The following DNAH9 variants were observed in gnomAD, a reference collection of about 807,000 sequenced individuals.
The protein encoded by DNAH9 is DNAH9 variant protein.
A neutral mutation model predicts 471.6 loss-of-function variants in DNAH9; 345 were observed. That is an observed-to-expected ratio of 0.73 (90% CI 0.67 to 0.80). The LOEUF (loss-of-function observed/expected upper bound fraction) is 0.80, where lower values mean the gene tolerates loss of function less well. Ranked by LOEUF, DNAH9 falls within the 30% of genes least tolerant of loss-of-function variation. The probability of loss-of-function intolerance (pLI) is 0.00; values close to 1 mark genes in which losing one functional copy is unlikely to be tolerated. For missense variants in DNAH9, 5,407 were observed against 5,609.2 expected, an observed-to-expected ratio of 0.96 and a Z score of 1.15; for synonymous variants, 2,093 against 2,123.6, an observed-to-expected ratio of 0.99 and a Z score of 0.40.
intron 31 of DNAH9, among the ~76,000 whole-genome samples, chr17:11,745,664 T>G (rs940968699): frequency 6.6e-6 from 1 of 152,222 alleles, no homozygotes; most frequent in Middle Eastern, 3.2e-3. Flanking sequence ...ATAATTAGCG[T>G]CTTTGAAGGA....
intron 9 of DNAH9, among the ~76,000 whole-genome samples, chr17:11,638,952 A>C (rs186037408): frequency 2.1e-4 from 32 of 152,172 alleles, no homozygotes; most frequent in Middle Eastern, 3.4e-3. Context: ...CCATGTAGCC[A>C]CCTCCATCTT....
intron 67 of DNAH9, among the ~76,000 whole-genome samples, chr17:11,948,070 C>G (rs1330604548): frequency 3.3e-5 from 5 of 150,944 alleles, no homozygotes; most frequent in Non-Finnish European, 7.4e-5. Flanking sequence ...TGGCCAGGAA[C>G]TGATTTTTAT....
intron 1 of DNAH9, among the ~76,000 whole-genome samples, chr17:11,603,313 T>A (rs1447695478): frequency 6.6e-6 from 1 of 152,148 alleles, no homozygotes; most frequent in African/African-American, 2.4e-5. Flanking sequence ...AAAAGAAAAA[T>A]CTTTCTTCTT....
rs888868261 is a variant in DNAH9 at position 11,892,097 on chromosome 17, A to T, written c.11283+150A>T. The T allele has an allele frequency of 2.2e-6, 2 of 906,948 alleles. No individual in the cohort carries two copies. Among genetic ancestry groups the T allele is most frequent in the Non-Finnish European group, 1.7e-6 (1 of 595,224 alleles). The allele number at this position is 906,948 out of a possible 1,614,324, so 56.2% of individuals were successfully genotyped here. On this transcript the variant is annotated intron_variant, in intron 58 of 68. Transcript: ENST00000262442. The surrounding 1 kb of genome is among the most constrained non-coding windows in gnomAD (Gnocchi z 4.3). Reference sequence around the variant, plus strand: ...TAGAGGCATCAGACAAGAAGGTCCAATGTGGTGTGTGCATCTGCCCCCACC... The same window carrying T: ...TAGAGGCATCAGACAAGAAGGTCCATTGTGGTGTGTGCATCTGCCCCCACC...
intron 28 of DNAH9, among the ~76,000 whole-genome samples, chr17:11,736,369 G>A (rs1368913045): frequency 6.6e-6 from 1 of 152,206 alleles, no homozygotes; most frequent in Non-Finnish European, 1.5e-5. Context: ...TGGGTGAGAT[G>A]TGCCTGGCAG....
At chr17:11,964,576 C>T (rs1976531150) in intron 68 of DNAH9, among the ~76,000 whole-genome samples, 1 of 152,142 alleles carries the variant, frequency 6.6e-6, no homozygotes, top group South Asian at 2.1e-4. Flanking sequence ...ACAATGAGAA[C>T]ATTCACAAAA....
chr17:11,869,167 A>G lies in DNAH9; in HGVS notation c.9967A>G (p.Arg3323Gly), dbSNP rs1339277189. The G allele has an allele frequency of 1.2e-6, 2 of 1,613,700 alleles. No individual in the cohort carries two copies. Among genetic ancestry groups the G allele is most frequent in the Non-Finnish European group, 1.7e-6 (2 of 1,179,812 alleles). ...TGAAAACCTGGCAAAGCTCACAGCC[A>G]GGTTTGAGAAAGCAACAGCAGACAA... ...LNENLAKLTA[R>G]FEKATADKLK... is the part of the protein sequence containing the mutation. The change falls in exon 51 of 69, where the codon AGG (arginine) becomes GGG (glycine). Residue 3323 changes from arginine to glycine, a missense_variant. By Grantham distance (125) the Arg-to-Gly change is moderately radical. This residue lies in a region of DNAH9 where 4,636 missense variants were observed against 4,900.3 expected (regional missense o/e 0.95). Transcript: ENST00000262442.
intron 45 of DNAH9, among the ~76,000 whole-genome samples, chr17:11,810,904 CAGAG>C (rs1969874357): frequency 6.6e-6 from 1 of 152,184 alleles, no homozygotes; most frequent in African/African-American, 2.4e-5. Context: ...AAAAACTTGA[CAGAG>C]AGTGTGAAGT....
intron 50 of DNAH9, among the ~76,000 whole-genome samples, chr17:11,859,895 C>T (rs1351377551): frequency 3.9e-5 from 6 of 152,194 alleles, no homozygotes; most frequent in African/African-American, 1.2e-4. Context: ...CACTGGGAAT[C>T]GCATTTCAAC....
intron 6 of DNAH9, among the ~76,000 whole-genome samples, chr17:11,620,609 T>C (rs1032312008): frequency 6.6e-6 from 1 of 152,112 alleles, no homozygotes; most frequent in Non-Finnish European, 1.5e-5. Context: ...TAGGAAATCC[T>C]GATCATAGAC....
chr17:11,799,059 C>G (rs981125473), intron 43 of DNAH9, among the ~76,000 whole-genome samples: 1 of 152,106 alleles, frequency 6.6e-6, no homozygotes, highest in Non-Finnish European at 1.5e-5. Flanking sequence ...ACCCATGTCT[C>G]GACTCACTCT....
At position 11,930,047 on chromosome 17, in the gene DNAH9, C is replaced by A; in HGVS notation, c.12059C>A (p.Thr4020Lys). ...ATTAAGATCACCAATGAGCCCCCCACGGGCATGCATGCCAACCTGCACAAG... is the reference window on the plus strand; with the variant it reads ...ATTAAGATCACCAATGAGCCCCCCAAGGGCATGCATGCCAACCTGCACAAG... ...NSIKITNEPPTGMHANLHKAL... is the reference protein window; with the variant it reads ...NSIKITNEPPKGMHANLHKAL... The change falls in exon 63 of 69, where the codon ACG becomes AAG. Residue 4020 changes from threonine (T) to lysine (K), a missense_variant. Transcript: ENST00000262442. 1 of 1,614,138 alleles carries A rather than the reference C, an allele frequency of 6.2e-7. No homozygotes were observed. The highest frequency in any genetic ancestry group is 8.5e-7 in the Non-Finnish European group (1 of 1,180,008).
Position 11,932,685 on chromosome 17 carries a change from G to A in DNAH9, c.12297+480G>A, listed in dbSNP as rs988626139. Reference sequence around the variant, plus strand: ...GTGCCAACCCCAGGACTAACCCAAAGGCTGAGAATAGTACAACTGTGAGGT... The same window carrying A: ...GTGCCAACCCCAGGACTAACCCAAAAGCTGAGAATAGTACAACTGTGAGGT... On this transcript the variant is annotated intron_variant, in intron 64 of 68. Coordinates refer to ENST00000262442, the MANE Select transcript of DNAH9 (RefSeq NM_001372.4). This position sits in a 1 kb window ranked among gnomAD's most constrained non-coding sequence, Gnocchi z 4.3. Among the ~76,000 whole-genome samples, 1 of 152,174 alleles carries A rather than the reference G, an allele frequency of 6.6e-6. No homozygotes were observed. The highest frequency in any genetic ancestry group is 1.5e-5 in the Non-Finnish European group (1 of 68,026).
intron 26 of DNAH9, among the ~76,000 whole-genome samples, chr17:11,708,014 CAGAGAGAGAG>C (rs34314090): frequency 2.7e-4 from 14 of 52,206 alleles, no homozygotes; most frequent in South Asian, 9.1e-4. Context: ...CACACACACA[CAGAGAGAGAG>C]AGAGAGAGAG....
rs758420778 is a variant in DNAH9, at chr17:11,693,914, C to T, written c.4661C>T (p.Ala1554Val). The part of the protein sequence containing the change: ...EGIDIDFKEL[A>V]YDAQKIPNVV... Reference sequence around the variant, plus strand: ...ATCGACATTGACTTTAAAGAGCTAGCTTATGATGCCCAGAAAATTCCAAAT... The same window carrying T: ...ATCGACATTGACTTTAAAGAGCTAGTTTATGATGCCCAGAAAATTCCAAAT... The change falls in exon 21 of 69, where the codon GCT (alanine) becomes GTT (valine). Residue 1554 changes from alanine (A) to valine (V), a missense_variant. Ala to Val is a moderately conservative substitution (Grantham distance 64, BLOSUM62 0). Coordinates refer to ENST00000262442, the MANE Select transcript of DNAH9 (RefSeq NM_001372.4). 3.7e-6 allele frequency: 6 copies of T among 1,614,036 alleles called. No homozygotes were observed. The highest frequency in any genetic ancestry group is 1.7e-4 in the Middle Eastern group (1 of 6,060).
chr17:11,870,540 C>G (rs910113514), intron 51 of DNAH9, among the ~76,000 whole-genome samples: 2 of 152,158 alleles, frequency 1.3e-5, no homozygotes, highest in East Asian at 3.9e-4. Flanking sequence ...CTGCCATACC[C>G]AAATGTGTGT....
At chr17:11,859,084 C>CAAAAAA (rs56040033) in intron 50 of DNAH9, among the ~76,000 whole-genome samples, 1 of 64,372 alleles carries the variant, frequency 1.6e-5, no homozygotes, top group African/African-American at 6.4e-5. Flanking sequence ...AACCCCGTCT[C>CAAAAAA]AAAAAAAAAA....
intron 8 of DNAH9, among the ~76,000 whole-genome samples, chr17:11,633,580 C>T (rs1015322972): frequency 6.6e-6 from 1 of 152,218 alleles, no homozygotes; most frequent in Non-Finnish European, 1.5e-5. Flanking sequence ...ATACATGTAG[C>T]CTTTAATCAA....
At chr17:11,772,805 A>C (rs761889336) in intron 38 of DNAH9, among the ~76,000 whole-genome samples, 13 of 152,220 alleles carry the variant, frequency 8.5e-5, no homozygotes, top group Non-Finnish European at 1.9e-4. Context: ...TCCAGAGGCA[A>C]CCAGGAATTG....
Sources: allele counts gnomAD v4.1 joint callset (sites outside exome capture counted in the v4.1 genomes callset), GRCh38; gene constraint gnomAD v4.1.1; regional missense constraint gnomAD v4.1.1; non-coding constraint Gnocchi (gnomAD v3.1); transcripts MANE v1.5; gene names NCBI Gene and HGNC (gene_info 2026-07-23, HGNC 2026-07-21).